IARS1: variants seen among roughly 807,000 people sequenced by gnomAD.
IARS1 encodes isoleucyl-tRNA synthetase 1, also known as isoleucine--tRNA ligase, cytoplasmic.
A neutral mutation model predicts 168.2 loss-of-function variants in IARS1; 124 were observed. The observed-to-expected ratio is 0.74, with a 90% CI of 0.64 to 0.86. The LOEUF is 0.86. Ranked by LOEUF, IARS1 falls within the 40% of genes least tolerant of loss-of-function variation. The pLI, the probability that IARS1 is intolerant of heterozygous loss-of-function variation, is 0.00. For synonymous variants in IARS1, 532 were observed against 529.4 expected (o/e 1.00, Z -0.07); for missense variants, 1,452 against 1,515.8 (o/e 0.96, Z 0.70).
rs143140631 is a variant in IARS1, at chr9:92,288,227, T to C, written c.175A>G (p.Ile59Val). The C allele has an allele frequency of 1.9e-6, 3 of 1,613,894 alleles. No homozygotes were observed. Among genetic ancestry groups the C allele is most frequent in the African/African-American group, 2.7e-5 (2 of 74,918 alleles). ...FATGLPHYGH[I>V]LAGTIKDIVT... ...ATATCTTTAATTGTACCCGCAAGTA[T>C]ATGTCCATAGTGAGGCAGTCCAGTT... is the stretch of plus-strand genomic sequence containing the variant. Residue 59 changes from isoleucine (I) to valine (V), a missense_variant, in exon 3 of 34, where the codon ATA becomes GTA. Ile to Val is a conservative substitution (Grantham distance 29). Coordinates refer to ENST00000443024, the MANE Select transcript of IARS1 (RefSeq NM_002161.6).
rs949612447 is a variant in IARS1 at position 92,285,747 on chromosome 9, T to C, written c.572A>G (p.Asn191Ser). 3 of 1,609,326 alleles carry C rather than the reference T, an allele frequency of 1.9e-6. No individual in the cohort carries two copies. Among genetic ancestry groups the C allele is most frequent in the Non-Finnish European group, 2.6e-6 (3 of 1,175,636 alleles). ...CTTATAATTCTGGTGTGACTCGAAG[T>C]TGGAAAGTGGAGTGTTACATGCCGT... ...FSTACNTPLSNFESHQNYKDV... is the reference protein window; with the variant it reads ...FSTACNTPLSSFESHQNYKDV... The change falls in exon 6 of 34, where the codon AAC becomes AGC. Residue 191 changes from asparagine (N) to serine (S), a missense_variant. Coordinates refer to ENST00000443024, the MANE Select transcript of IARS1 (RefSeq NM_002161.6).
chr9:92,227,929 G>A (rs1253758027), intron 31 of IARS1, among the ~76,000 whole-genome samples: 4 of 152,228 alleles, frequency 2.6e-5, no homozygotes, highest in African/African-American at 4.8e-5. Context: ...CTTCCCAGAC[G>A]GGGTGGCGGC....
chr9:92,288,200 C>A lies in IARS1; in HGVS notation c.202G>T (p.Val68Phe). ...CCACTCTGGTGAGCATATCTTGTAA[C>A]TATATCTTTAATTGTACCCGCAAGT... ...HILAGTIKDI[V>F]TRYAHQSGFH... is the part of the protein sequence containing the mutation. Residue 68 changes from valine to phenylalanine, a missense_variant, in exon 3 of 34, where the codon GTT (valine) becomes TTT (phenylalanine). Physicochemically the swap from Val to Phe is conservative, Grantham distance 50. Coordinates refer to ENST00000443024, the MANE Select transcript of IARS1 (RefSeq NM_002161.6). 6.2e-7 allele frequency: 1 copy of A among 1,614,070 alleles called. No individual in the cohort carries two copies. The highest frequency in any genetic ancestry group is 8.5e-7 in the Non-Finnish European group (1 of 1,179,950).
chr9:92,269,050 G>A (rs957112560), intron 13 of IARS1, among the ~76,000 whole-genome samples: 1 of 151,906 alleles, frequency 6.6e-6, no homozygotes, highest in Non-Finnish European at 1.5e-5. Flanking sequence ...GCACCCCCTC[G>A]AGGCTATCTT....
Position 92,240,971 on chromosome 9 carries a change from T to A in IARS1, c.3178-10A>T. 6.6e-7 allele frequency: 1 copy of A among 1,522,956 alleles called. No individual in the cohort carries two copies. The highest frequency in any genetic ancestry group is 2.2e-5 in the East Asian group (1 of 44,464). The allele number at this position is 1,522,956 out of a possible 1,614,324, so 94.3% of individuals were successfully genotyped here. ...GTTCAGATCCCTTCAACTGAGCACA[T>A]GAGAACGTATGACTGAGTAACTGTG... On this transcript the variant is annotated splice_polypyrimidine_tract_variant and intron_variant, in intron 29 of 33. Coordinates refer to ENST00000443024, the MANE Select transcript of IARS1 (RefSeq NM_002161.6).
intron 30 of IARS1, among the ~76,000 whole-genome samples, chr9:92,235,581 G>A (rs1827380755): frequency 6.8e-6 from 1 of 146,162 alleles, no homozygotes; most frequent in Admixed American, 7.0e-5. Context: ...ACAGTGGTGC[G>A]ATCTTGGCTC....
chr9:92,230,137 G>A (rs185364950), intron 30 of IARS1, among the ~76,000 whole-genome samples: 474 of 151,364 alleles, frequency 3.1e-3, no homozygotes, highest in South Asian at 0.016. Flanking sequence ...TTGAGATGGA[G>A]TTTAGCTTTG....
At chr9:92,251,721 T>A (rs1244659235) in intron 22 of IARS1, 87 bp downstream of exon 22, 2 of 860,532 alleles carry the variant, frequency 2.3e-6, no homozygotes, top group African/African-American at 3.4e-5. Flanking sequence ...TAATACAGAA[T>A]GGATATAAAT....
chr9:92,216,109 G>T lies in IARS1; in HGVS notation c.3707-5220C>A, dbSNP rs939020043. Among the ~76,000 whole-genome samples the T allele has an allele frequency of 1.7e-3, 256 of 151,246 alleles. 1 individual carries two copies. Among genetic ancestry groups the T allele is most frequent in the African/African-American group, 5.9e-3 (245 of 41,218 alleles). On this transcript the variant is annotated intron_variant, in intron 33 of 33. Transcript: ENST00000443024. ...CCCTACAAGCCAGAAGAGAGTGGGG[G>T]CCAATATTCAACATTCTTAAAGAAA...
In IARS1 at chr9:92,220,476, A is replaced by T. The variant is rs183032004; in HGVS notation, c.3706+2044T>A. Among the ~76,000 whole-genome samples, 8 of 152,202 alleles carry T rather than the reference A, an allele frequency of 5.3e-5. No homozygotes were observed. The East Asian group carries it at 1.5e-3, about 29-fold the overall frequency. On this transcript the variant is annotated intron_variant, in intron 33 of 33. Coordinates refer to ENST00000443024, the MANE Select transcript of IARS1 (RefSeq NM_002161.6). Reference sequence around the variant, plus strand: ...AAATAAAATTACAAAAATTATCTGCACATGGTGGCACATGCCTGTAATTCC... The same window carrying T: ...AAATAAAATTACAAAAATTATCTGCTCATGGTGGCACATGCCTGTAATTCC...
Position 92,284,036 on chromosome 9 carries a change from G to A in IARS1, c.597+1686C>T, listed in dbSNP as rs574455628. On this transcript the variant is annotated intron_variant, in intron 6 of 33. Coordinates refer to ENST00000443024, the MANE Select transcript of IARS1 (RefSeq NM_002161.6). ...CCTATAGAAACACATAAATTAGCCA[G>A]GTATGGTGGTATGTTCCTGTAGTCC... 4.6e-5 allele frequency among the ~76,000 whole-genome samples: 7 copies of A among 152,198 alleles called. No homozygotes were observed. The South Asian group carries it at 1.2e-3, about 27-fold the overall frequency.
intron 30 of IARS1, among the ~76,000 whole-genome samples, chr9:92,239,869 T>C (rs569827086): frequency 1.3e-5 from 2 of 152,274 alleles, no homozygotes; most frequent in East Asian, 1.9e-4. Flanking sequence ...GTTTTTTCTA[T>C]GGTGTCTGGC....
At chr9:92,287,211 A>G (rs1835597656) in intron 4 of IARS1, among the ~76,000 whole-genome samples, 1 of 152,242 alleles carries the variant, frequency 6.6e-6, no homozygotes, top group African/African-American at 2.4e-5. Flanking sequence ...CATTATAGAA[A>G]ATAGCTGTTC....
At chr9:92,281,012 T>C (rs1031992297) in intron 6 of IARS1, 119 bp from the exon 7 acceptor site, 1 of 551,268 alleles carries the variant, frequency 1.8e-6, no homozygotes, top group African/African-American at 1.9e-5. Context: ...AAGAAACCAC[T>C]TACCAGACTT....
intron 30 of IARS1, chr9:92,240,621 T>C (rs945918803): frequency 1.3e-5 from 9 of 709,160 alleles, no homozygotes; most frequent in Non-Finnish European, 2.1e-5. Context: ...CTTGAACTCT[T>C]GGCCTCAAGC....
At chr9:92,289,617 TATAACTAG>T (rs1326370578) in intron 1 of IARS1, among the ~76,000 whole-genome samples, 191 bp from the exon 2 acceptor site, 1 of 152,190 alleles carries the variant, frequency 6.6e-6, no homozygotes, top group Non-Finnish European at 1.5e-5. Context: ...TACAAGGTAG[TATAACTAG>T]TAATACCTAA....
intron 30 of IARS1, among the ~76,000 whole-genome samples, chr9:92,235,872 T>A (rs1485366323): frequency 1.3e-5 from 2 of 152,122 alleles, no homozygotes; most frequent in Admixed American, 6.6e-5. Context: ...CTGGAATAAA[T>A]CCCACTTGGT....
chr9:92,287,717 G>A (rs1587902873), intron 4 of IARS1, 74 bp downstream of exon 4: 2 of 1,449,290 alleles, frequency 1.4e-6, no homozygotes, highest in South Asian at 1.4e-5. Flanking sequence ...AAAGCACAAG[G>A]GACCATAAAC....
At chr9:92,286,106 G>A (rs1045626133) in intron 5 of IARS1, 54 of 358,360 alleles carry the variant, frequency 1.5e-4, no homozygotes, top group East Asian at 1.0e-4. Flanking sequence ...AGTGGCTCAC[G>A]TCTGTAATCG....
Sources: gnomAD v4.1 joint callset for allele counts (sites outside exome capture counted in the v4.1 genomes callset) on GRCh38, gnomAD v4.1.1 for gene constraint, MANE v1.5 for transcripts, NCBI Gene and HGNC (gene_info 2026-07-23, HGNC 2026-07-21) for gene names.